MAPKAP1: variants seen among roughly 807,000 people sequenced by gnomAD.
The protein encoded by MAPKAP1 is target of rapamycin complex 2 subunit MAPKAP1.
In MAPKAP1, 20 loss-of-function variants were observed where a neutral mutation model predicts 65.7. That is an observed-to-expected ratio of 0.30 (90% CI 0.21 to 0.44). The LOEUF is 0.44. MAPKAP1 is among the 20% of genes least tolerant of loss of function. The probability of loss-of-function intolerance (pLI) is 1.00; values close to 1 mark genes in which losing one functional copy is unlikely to be tolerated. For synonymous variants in MAPKAP1, 222 were observed against 244.3 expected (o/e 0.91, Z 0.85); for missense variants, 423 against 648.0 (o/e 0.65, Z 3.77).
intron 7 of MAPKAP1, among the ~76,000 whole-genome samples, chr9:125,536,091 G>C (rs1830066209): frequency 6.6e-6 from 1 of 152,186 alleles, no homozygotes; most frequent in African/African-American, 2.4e-5. Context: ...AGTTGCGAGA[G>C]CTCATAACAC....
At chr9:125,551,240 T>G (rs1248635958) in intron 6 of MAPKAP1, among the ~76,000 whole-genome samples, 1 of 152,166 alleles carries the variant, frequency 6.6e-6, no homozygotes, top group Non-Finnish European at 1.5e-5. Context: ...AGGAAAGGCT[T>G]CAAGCTAATG....
intron 6 of MAPKAP1, among the ~76,000 whole-genome samples, chr9:125,558,963 C>T (rs1775391694): frequency 6.6e-6 from 1 of 152,178 alleles, no homozygotes; most frequent in Admixed American, 6.5e-5. Context: ...TTCTCAAATA[C>T]CATTTATGCT....
chr9:125,625,896 CCTT>C (rs1393315702), intron 4 of MAPKAP1, among the ~76,000 whole-genome samples: 2 of 152,182 alleles, frequency 1.3e-5, no homozygotes, highest in African/African-American at 2.4e-5. Flanking sequence ...AAGTTTTAAT[CCTT>C]CTTCTGTCTG....
chr9:125,502,234 T>C (rs948471123), intron 8 of MAPKAP1, among the ~76,000 whole-genome samples: 1 of 152,042 alleles, frequency 6.6e-6, no homozygotes, highest in Non-Finnish European at 1.5e-5. Context: ...CCCTAGCAGC[T>C]GGGATTACAG....
chr9:125,459,996 C>A (rs1014703551), intron 10 of MAPKAP1, among the ~76,000 whole-genome samples: 1 of 150,824 alleles, frequency 6.6e-6, no homozygotes, highest in East Asian at 1.9e-4. Flanking sequence ...TATGAAAACA[C>A]AATTTGGAGC....
chr9:125,636,736 C>T (rs973052051), intron 4 of MAPKAP1, among the ~76,000 whole-genome samples: 1 of 152,178 alleles, frequency 6.6e-6, no homozygotes, highest in African/African-American at 2.4e-5. Context: ...TATGATCTGC[C>T]AGGTGATCTG....
At chr9:125,446,808 T>C (rs1286575288) in intron 10 of MAPKAP1, among the ~76,000 whole-genome samples, 2 of 152,168 alleles carry the variant, frequency 1.3e-5, no homozygotes, top group African/African-American at 4.8e-5. Flanking sequence ...CTCCCGCTTG[T>C]CACTGACAAA....
intron 4 of MAPKAP1, among the ~76,000 whole-genome samples, chr9:125,625,255 TAAAA>T (rs58671780): frequency 4.6e-5 from 3 of 64,708 alleles, no homozygotes; most frequent in Non-Finnish European, 9.1e-5. Flanking sequence ...AATAAATAAA[TAAAA>T]AAAAAAAAAA....
At chr9:125,481,677 C>T (rs1854322967) in intron 9 of MAPKAP1, among the ~76,000 whole-genome samples, 1 of 152,044 alleles carries the variant, frequency 6.6e-6, no homozygotes, top group Non-Finnish European at 1.5e-5. Flanking sequence ...CCACCTTTGT[C>T]TCCCAAAGTG....
chr9:125,553,528 G>A (rs1830646448), intron 6 of MAPKAP1, among the ~76,000 whole-genome samples: 1 of 150,738 alleles, frequency 6.6e-6, no homozygotes, highest in Non-Finnish European at 1.5e-5. Context: ...GGTGACAAGA[G>A]TGAAACTCTA....
intron 3 of MAPKAP1, among the ~76,000 whole-genome samples, chr9:125,660,761 C>T (rs764448700): frequency 6.6e-6 from 1 of 152,182 alleles, no homozygotes; most frequent in Non-Finnish European, 1.5e-5. Context: ...CCGTGGCAAC[C>T]GCTAGCAACG....
chr9:125,621,390 T>G (rs2131654785), intron 4 of MAPKAP1, among the ~76,000 whole-genome samples: 1 of 152,278 alleles, frequency 6.6e-6, no homozygotes, highest in South Asian at 2.1e-4. Context: ...GTTAGTAATA[T>G]TATTACTAAC....
At chr9:125,693,721 G>GTATACACACACATACACA (rs1564620357) in intron 1 of MAPKAP1, among the ~76,000 whole-genome samples, 3 of 58,920 alleles carry the variant, frequency 5.1e-5, no homozygotes, top group African/African-American at 1.2e-4. Flanking sequence ...ATATATACAC[G>GTATACACACACATACACA]TATATACACA....
chr9:125,616,726 A>G (rs1015476376), intron 4 of MAPKAP1, among the ~76,000 whole-genome samples: 1 of 152,182 alleles, frequency 6.6e-6, no homozygotes, highest in African/African-American at 2.4e-5. Context: ...CTGGAGGGGC[A>G]CACATGGGAA....
chr9:125,446,530 G>A (rs1852721472), intron 10 of MAPKAP1, among the ~76,000 whole-genome samples: 2 of 152,146 alleles, frequency 1.3e-5, no homozygotes, highest in Admixed American at 1.3e-4. Flanking sequence ...TCTTGTCGGT[G>A]ACATCCCTGT....
At chr9:125,578,206 C>G (rs912853516) in intron 5 of MAPKAP1, among the ~76,000 whole-genome samples, 1 of 152,138 alleles carries the variant, frequency 6.6e-6, no homozygotes, top group African/African-American at 2.4e-5. Context: ...GCAAGATGTG[C>G]TTTGTTAAAC....
At chr9:125,653,615 T>C (rs1347306892) in intron 4 of MAPKAP1, among the ~76,000 whole-genome samples, 2 of 152,182 alleles carry the variant, frequency 1.3e-5, no homozygotes, top group South Asian at 2.1e-4. Flanking sequence ...TATTCCAAGG[T>C]GCCACATTTT....
intron 4 of MAPKAP1, among the ~76,000 whole-genome samples, chr9:125,589,974 G>A (rs917640413): frequency 3.9e-5 from 6 of 152,136 alleles, no homozygotes; most frequent in African/African-American, 1.4e-4. Flanking sequence ...GCCTTGTCGG[G>A]CAGGCAAAGG....
intron 4 of MAPKAP1, among the ~76,000 whole-genome samples, chr9:125,626,301 C>G (rs1833116792): frequency 6.6e-6 from 1 of 152,232 alleles, no homozygotes; most frequent in African/African-American, 2.4e-5. Flanking sequence ...TCTGTGTGTT[C>G]AGCATGTTGG....
Sources: allele counts gnomAD v4.1 joint callset (sites outside exome capture counted in the v4.1 genomes callset), GRCh38; gene constraint gnomAD v4.1.1; transcripts MANE v1.5; gene names NCBI Gene and HGNC (gene_info 2026-07-23, HGNC 2026-07-21).